The following FSTL1 variants were observed in gnomAD, a reference collection of about 807,000 sequenced individuals.
The protein encoded by FSTL1 is follistatin-related protein 1.
A neutral mutation model predicts 45.9 loss-of-function variants in FSTL1; 24 were observed. That is an observed-to-expected ratio of 0.52 (90% CI 0.38 to 0.74). The LOEUF is 0.74. FSTL1 is among the 30% of genes least tolerant of loss of function. FSTL1 has a pLI of 0.00. For missense variants in FSTL1, 340 were observed against 381.8 expected (o/e 0.89, Z 0.91); for synonymous variants, 120 against 137.6 (o/e 0.87, Z 0.89).
intron 2 of FSTL1, among the ~76,000 whole-genome samples, chr3:120,450,375 T>C (rs1374847091): frequency 6.6e-6 from 1 of 152,180 alleles, no homozygotes; most frequent in Non-Finnish European, 1.5e-5. Flanking sequence ...GGCGCCTTTT[T>C]GAACTCGCTG....
intron 2 of FSTL1, among the ~76,000 whole-genome samples, chr3:120,425,744 G>A (rs1278135547): frequency 6.6e-6 from 1 of 152,130 alleles, no homozygotes; most frequent in African/African-American, 2.4e-5. Flanking sequence ...GTCACATGAG[G>A]GTGTTGCTAG....
chr3:120,406,458 G>A (rs528488254), intron 6 of FSTL1, among the ~76,000 whole-genome samples: 1 of 152,200 alleles, frequency 6.6e-6, no homozygotes, highest in East Asian at 1.9e-4. Flanking sequence ...GTGCCACATG[G>A]CCCAAGTGGG....
At chr3:120,412,821 C>CGT (rs1559736982) in intron 3 of FSTL1, among the ~76,000 whole-genome samples, 4 of 46,728 alleles carry the variant, frequency 8.6e-5, no homozygotes, top group Admixed American at 2.6e-4. Flanking sequence ...CACACATGTG[C>CGT]GCGCGCGCGC....
chr3:120,432,459 C>A (rs1229397574), intron 2 of FSTL1, among the ~76,000 whole-genome samples: 3 of 152,094 alleles, frequency 2.0e-5, no homozygotes, highest in Admixed American at 6.5e-5. Flanking sequence ...CAAATTCCCC[C>A]CTATTTTTTC....
At chr3:120,450,847 C>G in intron 1 of FSTL1, 50 bp downstream of exon 1, 1 of 779,310 alleles carries the variant, frequency 1.3e-6, no homozygotes, top group Non-Finnish European at 1.9e-6. Context: ...GCCCAAGCAC[C>G]CCCGGCCGCC....
At chr3:120,404,252 T>C (rs1026442196) in intron 7 of FSTL1, among the ~76,000 whole-genome samples, 30 of 152,240 alleles carry the variant, frequency 2.0e-4, no homozygotes, top group Admixed American at 2.0e-3. Context: ...TCATAGACTA[T>C]TATTAAAGAA....
intron 2 of FSTL1, chr3:120,419,592 T>C (rs1937243999): frequency 6.6e-6 from 1 of 152,426 alleles, no homozygotes; most frequent in African/African-American, 2.4e-5. Context: ...CAGGTGATGA[T>C]GGGGAGAGGG....
In FSTL1 at chr3:120,395,464, G is replaced by A. The variant is rs538271436; in HGVS notation, c.*1488C>T. On this transcript the variant is annotated 3_prime_UTR_variant, in exon 11 of 11. Transcript: ENST00000295633. The stretch of plus-strand genomic sequence containing the variant: ...AACTTTCTTTTATCCTCATCTCTAA[G>A]GGAATGCTTTCTATTTCCAGCCGGA... The A allele has an allele frequency of 2.7e-5, 10 of 375,042 alleles. No homozygotes were observed. Among genetic ancestry groups the A allele is most frequent in the Non-Finnish European group, 5.2e-5 (10 of 193,440 alleles). The allele number at this position is 375,042 out of a possible 1,614,324, so 23.2% of individuals were successfully genotyped here. A position where few individuals can be genotyped will look rare whatever the true frequency, so the allele number is the denominator to read the frequency against.
Position 120,416,007 on chromosome 3 carries a change from G to A in FSTL1, c.84C>T (p.Ser28=). The A allele has an allele frequency of 1.2e-6, 2 of 1,613,484 alleles. No homozygotes were observed. Among genetic ancestry groups the A allele is most frequent in the Non-Finnish European group, 1.7e-6 (2 of 1,179,410 alleles). The change falls in exon 3 of 11, where the codon TCC becomes TCT. Residue 28 remains serine, a synonymous_variant. Transcript: ENST00000295633. ...VRAEEELRSK[S]KICANVFCGA... ...CACAAAACACATTGGCACAGATCTTGGATTTGCTCCTTAGCTCTTCCTAAA... is the reference window on the plus strand; with the variant it reads ...CACAAAACACATTGGCACAGATCTTAGATTTGCTCCTTAGCTCTTCCTAAA...
intron 7 of FSTL1, among the ~76,000 whole-genome samples, chr3:120,403,899 C>A (rs1479856132): frequency 8.6e-6 from 1 of 115,788 alleles, no homozygotes; most frequent in Admixed American, 1.3e-4. Context: ...CCAGCCTGGG[C>A]GACAGAGCGA....
intron 2 of FSTL1, among the ~76,000 whole-genome samples, chr3:120,429,898 G>A (rs369723640): frequency 3.3e-5 from 5 of 152,164 alleles, no homozygotes; most frequent in African/African-American, 1.2e-4. Context: ...CCTATTCACT[G>A]TTTACAGCAA....
At chr3:120,406,954 T>C (rs573768558) in intron 6 of FSTL1, among the ~76,000 whole-genome samples, 2 of 152,360 alleles carry the variant, frequency 1.3e-5, no homozygotes, top group East Asian at 1.9e-4. Flanking sequence ...CTGTTTCCTA[T>C]ATACCTTACA....
chr3:120,442,046 C>A (rs745932060), intron 2 of FSTL1, among the ~76,000 whole-genome samples: 2 of 152,216 alleles, frequency 1.3e-5, no homozygotes, highest in African/African-American at 4.8e-5. Context: ...AAAGACCATG[C>A]CTAGTGGATG....
Position 120,429,407 on chromosome 3 carries a change from A to C in FSTL1, c.64-13380T>G, listed in dbSNP as rs192149451. Among the ~76,000 whole-genome samples, 15 of 152,386 alleles carry C rather than the reference A, an allele frequency of 9.8e-5. No individual in the cohort carries two copies. The East Asian group carries it at 2.9e-3, about 29-fold the overall frequency. On this transcript the variant is annotated intron_variant, in intron 2 of 10. Coordinates refer to ENST00000295633, the MANE Select transcript of FSTL1 (RefSeq NM_007085.5). ...TTTATCATCCAAATGGGGACATTTGAGAGTTAAAGGAAACCTTTTAAACAG... is the reference window on the plus strand; with the variant it reads ...TTTATCATCCAAATGGGGACATTTGCGAGTTAAAGGAAACCTTTTAAACAG...
intron 3 of FSTL1, among the ~76,000 whole-genome samples, chr3:120,414,438 T>G (rs1281294815): frequency 6.6e-6 from 1 of 150,954 alleles, no homozygotes; most frequent in African/African-American, 2.4e-5. Context: ...CGGCCGCCCC[T>G]ACTGGGAAGT....
At chr3:120,433,644 GT>G (rs1290795895) in intron 2 of FSTL1, among the ~76,000 whole-genome samples, 1 of 152,162 alleles carries the variant, frequency 6.6e-6, no homozygotes, top group Admixed American at 6.5e-5. Context: ...AAAATAACAA[GT>G]TCATTTCAGC....
intron 2 of FSTL1, among the ~76,000 whole-genome samples, chr3:120,422,963 G>A (rs926376625): frequency 4.6e-5 from 7 of 152,176 alleles, no homozygotes; most frequent in South Asian, 2.1e-4. Flanking sequence ...CCGAAGTGCT[G>A]GGATTACAAG....
chr3:120,405,842 A>C (rs896133547), intron 6 of FSTL1, among the ~76,000 whole-genome samples: 10 of 152,228 alleles, frequency 6.6e-5, no homozygotes, highest in Non-Finnish European at 1.0e-4. Context: ...AAGACTGATC[A>C]AATTCCAAGT....
intron 2 of FSTL1, among the ~76,000 whole-genome samples, chr3:120,433,953 A>G (rs764981621): frequency 2.6e-5 from 4 of 152,214 alleles, no homozygotes; most frequent in Admixed American, 6.5e-5. Flanking sequence ...AAAGGTACTG[A>G]TAAGTCTGTA....
Sources: allele counts gnomAD v4.1 joint callset (sites outside exome capture counted in the v4.1 genomes callset), GRCh38; gene constraint gnomAD v4.1.1; transcripts MANE v1.5; gene names NCBI Gene and HGNC (gene_info 2026-07-23, HGNC 2026-07-21).